The following SYT16 variants were observed in gnomAD, a reference collection of about 807,000 sequenced individuals.
SYT16 encodes the protein synaptotagmin 16.
Under a neutral mutation model 61.4 loss-of-function variants are expected in SYT16, and 42 were observed. The ratio of observed to expected loss-of-function variants is 0.68; its 90% confidence interval spans 0.53 to 0.89. The LOEUF (loss-of-function observed/expected upper bound fraction) is 0.89, where lower values mean the gene tolerates loss of function less well. Among genes scored for constraint, SYT16 ranks in the 40% least tolerant of loss-of-function variants. The probability of loss-of-function intolerance (pLI) is 0.00; values close to 1 mark genes in which losing one functional copy is unlikely to be tolerated. For missense variants in SYT16, 804 were observed against 807.3 expected (o/e 1.00, Z 0.05); for synonymous variants, 314 against 302.3 (o/e 1.04, Z -0.40).
intron 1 of SYT16, among the ~76,000 whole-genome samples, chr14:61,919,099 G>A (rs545072653): frequency 2.0e-5 from 3 of 152,264 alleles, no homozygotes; most frequent in Admixed American, 2.0e-4. Flanking sequence ...TTCTCCAACA[G>A]GGATATATTT....
chr14:62,022,095 A>G (rs779486432), intron 3 of SYT16, among the ~76,000 whole-genome samples: 7 of 150,946 alleles, frequency 4.6e-5, no homozygotes, highest in Non-Finnish European at 1.0e-4. Context: ...GAAGAGTATT[A>G]TAATTCTTGT....
In SYT16 at chr14:61,821,339, A is replaced by G. The variant is rs116653166; in HGVS notation, c.-325+8529A>G. 4.3e-3 allele frequency among the ~76,000 whole-genome samples: 651 copies of G among 152,282 alleles called. 3 individuals are homozygous for G. The highest frequency in any genetic ancestry group is 0.015 in the African/African-American group (610 of 41,572). ...TACAGTGTTTTTTAAATACTCCCCT[A>G]TATTTGTTATCTATTGCTGCATAAC... is the stretch of plus-strand genomic sequence containing the variant. On this transcript the variant is annotated intron_variant, in intron 1 of 7. Transcript: ENST00000683842.
intron 2 of SYT16, among the ~76,000 whole-genome samples, chr14:61,970,831 T>G (rs776051151): frequency 6.6e-6 from 1 of 152,196 alleles, no homozygotes; most frequent in African/African-American, 2.4e-5. Flanking sequence ...TACTGAAGCC[T>G]AGAACTTTGT....
rs191690421 is a variant in SYT16 at position 62,075,222 on chromosome 14, G to A, written c.824G>A (p.Cys275Tyr). The change falls in exon 5 of 8, where the codon TGT (cysteine) becomes TAT (tyrosine). Residue 275 changes from cysteine (C) to tyrosine (Y), a missense_variant. Physicochemically the swap from Cys to Tyr is radical, Grantham distance 194. Transcript: ENST00000683842. ...DHIPAHSQSP[C>Y]ERGDAKHHGT... ...ATCCCTGCTCACTCACAGTCCCCAT[G>A]TGAAAGAGGGGATGCCAAACACCAC... The A allele has an allele frequency of 1.9e-4, 299 of 1,613,642 alleles. 1 individual carries two copies. In the African/African-American group the frequency reaches 3.5e-3, roughly 19 times the overall value.
chr14:62,072,305 A>G (rs751182601), intron 4 of SYT16, among the ~76,000 whole-genome samples: 1 of 152,192 alleles, frequency 6.6e-6, no homozygotes, highest in Non-Finnish European at 1.5e-5. Context: ...GTTCAATTGG[A>G]GAACTAGAAT....
intron 1 of SYT16, among the ~76,000 whole-genome samples, chr14:61,836,206 T>A (rs1052522854): frequency 6.6e-6 from 1 of 152,218 alleles, no homozygotes; most frequent in Non-Finnish European, 1.5e-5. Context: ...ATACACATCA[T>A]AGAAATTGAA....
chr14:61,959,946 T>G (rs2051049219), intron 1 of SYT16, among the ~76,000 whole-genome samples: 1 of 152,070 alleles, frequency 6.6e-6, no homozygotes, highest in Admixed American at 6.6e-5. Flanking sequence ...TCCTCCCACC[T>G]TAGCCTCCCA....
At chr14:62,008,230 G>A (rs1292360599) in intron 3 of SYT16, among the ~76,000 whole-genome samples, 1 of 151,898 alleles carries the variant, frequency 6.6e-6, no homozygotes, top group African/African-American at 2.4e-5. Context: ...CCTGAGGAGA[G>A]CGAGTCTTGT....
At chr14:62,034,083 A>C (rs1025799804) in intron 3 of SYT16, among the ~76,000 whole-genome samples, 2 of 152,216 alleles carry the variant, frequency 1.3e-5, no homozygotes, top group Non-Finnish European at 2.9e-5. Flanking sequence ...ACAAATGACC[A>C]ATAAGTATAT....
chr14:62,067,824 CAAATA>C (rs2056124325), intron 3 of SYT16, among the ~76,000 whole-genome samples: 2 of 140,990 alleles, frequency 1.4e-5, no homozygotes, highest in South Asian at 4.4e-4. Context: ...AACAAACAAA[CAAATA>C]AATAAATAAA....
In SYT16 at chr14:61,864,879, C is replaced by T. The variant is rs575919200; in HGVS notation, c.-325+52069C>T. ...TTCTCCCAGCCACCCCCGGCGGAGA[C>T]AGTGACCAACTGCGCGGATGGCGGG... On this transcript the variant is annotated intron_variant, in intron 1 of 7. Coordinates refer to ENST00000683842, the MANE Select transcript of SYT16 (RefSeq NM_001367656.1). The T allele has an allele frequency of 5.3e-5, 64 of 1,217,836 alleles. No homozygotes were observed. In the African/African-American group the frequency reaches 9.3e-4, roughly 18 times the overall value. 75.4% of individuals were successfully genotyped at this position (1,217,836 alleles called of 1,614,324 possible). A position where few individuals can be genotyped will look rare whatever the true frequency, so the allele number is the denominator to read the frequency against.
chr14:61,997,028 C>G (rs2052799524), intron 3 of SYT16, among the ~76,000 whole-genome samples: 1 of 152,028 alleles, frequency 6.6e-6, no homozygotes, highest in African/African-American at 2.4e-5. Flanking sequence ...GATAGGAAAT[C>G]TCTGAAATAA....
intron 3 of SYT16, among the ~76,000 whole-genome samples, chr14:62,055,812 G>A (rs1180999162): frequency 1.3e-5 from 2 of 152,184 alleles, no homozygotes; most frequent in African/African-American, 2.4e-5. Flanking sequence ...AGACTCACAT[G>A]ATCACAAGGT....
At chr14:61,914,322 C>A (rs2049039518) in intron 1 of SYT16, among the ~76,000 whole-genome samples, 1 of 152,148 alleles carries the variant, frequency 6.6e-6, no homozygotes, top group East Asian at 1.9e-4. Flanking sequence ...TTTGGTGAAG[C>A]AAAAGCTCCA....
In SYT16 at chr14:62,081,084, G is replaced by C. The variant is rs2056690269; in HGVS notation, c.1244G>C (p.Arg415Thr). The C allele has an allele frequency of 6.2e-7, 1 of 1,613,840 alleles. No homozygotes were observed. The highest frequency in any genetic ancestry group is 1.1e-5 in the South Asian group (1 of 91,026). ...CAGAGAGGGCCCAACCCCGTCTTCA[G>C]GGAGAAGGTCACCTTTGCCAAGCTG... is the stretch of plus-strand genomic sequence containing the variant. Reference protein sequence around the residue: ...NIQRGPNPVFREKVTFAKLEP... With the variant: ...NIQRGPNPVFTEKVTFAKLEP... Residue 415 changes from arginine to threonine, a missense_variant, in exon 6 of 8, where the codon AGG becomes ACG. By Grantham distance (71) the Arg-to-Thr change is moderately conservative. Transcript: ENST00000683842.
At chr14:61,974,467 G>T (rs568171439) in intron 2 of SYT16, among the ~76,000 whole-genome samples, 1 of 152,230 alleles carries the variant, frequency 6.6e-6, no homozygotes, top group Admixed American at 6.5e-5. Context: ...ACTGAGTCTT[G>T]CAAATTATAT....
chr14:62,006,734 C>T (rs536515441), intron 3 of SYT16, among the ~76,000 whole-genome samples: 1 of 152,256 alleles, frequency 6.6e-6, no homozygotes, highest in South Asian at 2.1e-4. Context: ...AGAGAAGCAG[C>T]TATGACACCT....
intron 1 of SYT16, among the ~76,000 whole-genome samples, chr14:61,905,225 A>G (rs975623786): frequency 6.6e-6 from 1 of 152,220 alleles, no homozygotes; most frequent in African/African-American, 2.4e-5. Flanking sequence ...GCTTAAAATC[A>G]TGATTTCTGC....
intron 2 of SYT16, among the ~76,000 whole-genome samples, chr14:61,973,678 T>C (rs1204548744): frequency 6.6e-6 from 1 of 152,166 alleles, no homozygotes; most frequent in African/African-American, 2.4e-5. Context: ...CAAAAAACTT[T>C]ATATTCCAAA....
Sources: gnomAD v4.1 joint callset for allele counts (sites outside exome capture counted in the v4.1 genomes callset) on GRCh38, gnomAD v4.1.1 for gene constraint, MANE v1.5 for transcripts, NCBI Gene and HGNC (gene_info 2026-07-23, HGNC 2026-07-21) for gene names.